Variants in KCNIP4 observed in about 807,000 individuals in gnomAD.
KCNIP4 encodes Kv channel-interacting protein 4.
A neutral mutation model predicts 34.0 loss-of-function variants in KCNIP4; 12 were observed. That is an observed-to-expected ratio of 0.35 (90% CI 0.23 to 0.57). The LOEUF (loss-of-function observed/expected upper bound fraction) is 0.57. Among genes scored for constraint, KCNIP4 ranks in the 20% least tolerant of loss-of-function variants. KCNIP4 has a pLI of 0.83. For missense variants in KCNIP4, 238 were observed against 311.7 expected (o/e 0.76, Z 1.78); for synonymous variants, 124 against 102.2 (o/e 1.21, Z -1.29).
chr4:21,850,110 C>T (rs975036412), intron 1 of KCNIP4: 2 of 150,520 alleles, frequency 1.3e-5, no homozygotes, highest in Non-Finnish European at 3.0e-5. Context: ...CCTCAAATAA[C>T]TTTAAAAGCT....
At chr4:21,767,944 CT>C (rs970590583) in intron 1 of KCNIP4, among the ~76,000 whole-genome samples, 6 of 152,002 alleles carry the variant, frequency 3.9e-5, no homozygotes, top group Admixed American at 2.0e-4. Flanking sequence ...ACAAAATCCC[CT>C]AAAGGAAGAA....
At chr4:20,936,486 T>C (rs1346203751) in intron 1 of KCNIP4, among the ~76,000 whole-genome samples, 1 of 152,108 alleles carries the variant, frequency 6.6e-6, no homozygotes, top group Non-Finnish European at 1.5e-5. Flanking sequence ...TATATTACTC[T>C]ATTTATAAAG....
chr4:20,816,835 A>G (rs1042267921), intron 3 of KCNIP4, among the ~76,000 whole-genome samples: 2 of 152,232 alleles, frequency 1.3e-5, no homozygotes, highest in Non-Finnish European at 2.9e-5. Context: ...TCTTATCAAA[A>G]GGGCTGCTCT....
At chr4:20,975,142 G>A (rs1335306181) in intron 1 of KCNIP4, among the ~76,000 whole-genome samples, 1 of 152,126 alleles carries the variant, frequency 6.6e-6, no homozygotes, top group African/African-American at 2.4e-5. Context: ...TGAACTCTAG[G>A]TCTGTCTCAC....
chr4:21,876,782 A>G (rs563708790), intron 1 of KCNIP4, among the ~76,000 whole-genome samples: 38 of 152,210 alleles, frequency 2.5e-4, no homozygotes, highest in Non-Finnish European at 5.1e-4. Flanking sequence ...AGTTCAAAAA[A>G]AGAAAATGGT....
intron 5 of KCNIP4, among the ~76,000 whole-genome samples, chr4:20,737,538 G>A (rs973884400): frequency 1.3e-5 from 2 of 152,060 alleles, no homozygotes; most frequent in African/African-American, 2.4e-5. Context: ...TGAGACAGAA[G>A]AACATGGTGT....
intron 1 of KCNIP4, among the ~76,000 whole-genome samples, chr4:21,087,150 G>GTGTT (rs1746531147): frequency 7.9e-6 from 1 of 126,426 alleles, no homozygotes; most frequent in Non-Finnish European, 1.7e-5. Flanking sequence ...TGGGTAATGT[G>GTGTT]TGTGTGTGTG....
intron 3 of KCNIP4, among the ~76,000 whole-genome samples, chr4:20,772,512 G>A (rs1755988437): frequency 6.6e-6 from 1 of 152,178 alleles, no homozygotes; most frequent in African/African-American, 2.4e-5. Context: ...CCAGGTGAGG[G>A]GTTGGAGGAT....
Position 21,035,299 on chromosome 4 carries a change from A to G in KCNIP4, c.62-152590T>C, listed in dbSNP as rs568664536. On this transcript the variant is annotated intron_variant, in intron 1 of 8. Transcript: ENST00000382152. The stretch of plus-strand genomic sequence containing the variant: ...ATTTCCAAGGCTAATTTTAATATAT[A>G]TGAAAAATATTTTAGGATTAGAATG... Among the ~76,000 whole-genome samples, 12 of 152,306 alleles carry G rather than the reference A, an allele frequency of 7.9e-5. No homozygotes were observed. The South Asian group carries it at 2.3e-3, about 29-fold the overall frequency.
intron 1 of KCNIP4, among the ~76,000 whole-genome samples, chr4:21,896,031 C>T (rs1727364905): frequency 6.6e-6 from 1 of 152,184 alleles, no homozygotes; most frequent in Non-Finnish European, 1.5e-5. Flanking sequence ...AACTCCATCA[C>T]TAACCCAGGG....
At chr4:20,931,186 C>CACACACACACACAG (rs1730431179) in intron 1 of KCNIP4, among the ~76,000 whole-genome samples, 2 of 151,722 alleles carry the variant, frequency 1.3e-5, no homozygotes, top group Admixed American at 6.6e-5. Flanking sequence ...TACACACACA[C>CACACACACACACAG]ACACACACAC....
chr4:20,847,566 G>C (rs1039292807), intron 3 of KCNIP4, among the ~76,000 whole-genome samples: 2 of 152,096 alleles, frequency 1.3e-5, no homozygotes, highest in Non-Finnish European at 2.9e-5. Flanking sequence ...TCAGAATCTG[G>C]CAAGAGACCT....
chr4:20,810,609 GTGAA>G (rs1162972067), intron 3 of KCNIP4, among the ~76,000 whole-genome samples: 3 of 152,230 alleles, frequency 2.0e-5, no homozygotes, highest in Middle Eastern at 3.4e-3. Context: ...AGTCTTCCAT[GTGAA>G]TGTAGATATT....
At chr4:21,444,141 C>T (rs1246917360) in intron 1 of KCNIP4, among the ~76,000 whole-genome samples, 1 of 152,020 alleles carries the variant, frequency 6.6e-6, no homozygotes, top group Non-Finnish European at 1.5e-5. Context: ...TAATAGCTTA[C>T]CAACCAAAAA....
At position 20,915,012 on chromosome 4, in the gene KCNIP4, G is replaced by A. The variant is rs577079016; in HGVS notation, c.62-32303C>T. 2.9e-3 allele frequency among the ~76,000 whole-genome samples: 441 copies of A among 152,312 alleles called. 3 individuals are homozygous for A. Among genetic ancestry groups the A allele is most frequent in the Non-Finnish European group, 3.8e-3 (257 of 68,032 alleles). On this transcript the variant is annotated intron_variant, in intron 1 of 8. Coordinates refer to ENST00000382152, the MANE Select transcript of KCNIP4 (RefSeq NM_025221.6). ...GAAAGAATGCTTACACAACCTTGCAGTAAGAGAGTCTAAGAAGAAAAACAA... is the reference window on the plus strand; with the variant it reads ...GAAAGAATGCTTACACAACCTTGCAATAAGAGAGTCTAAGAAGAAAAACAA...
At chr4:21,930,440 G>C (rs1469107798) in intron 1 of KCNIP4, among the ~76,000 whole-genome samples, 3 of 151,982 alleles carry the variant, frequency 2.0e-5, no homozygotes, top group Admixed American at 6.6e-5. Flanking sequence ...ACTTTACCTT[G>C]CTTAACACCA....
intron 1 of KCNIP4, among the ~76,000 whole-genome samples, chr4:21,185,014 A>G (rs938339414): frequency 5.3e-5 from 8 of 152,198 alleles, no homozygotes; most frequent in African/African-American, 1.9e-4. Flanking sequence ...CGAACAGGAC[A>G]ATGTAGTTTT....
At chr4:21,367,774 T>C (rs1001058946) in intron 1 of KCNIP4, among the ~76,000 whole-genome samples, 1 of 147,264 alleles carries the variant, frequency 6.8e-6, no homozygotes, top group South Asian at 2.1e-4. Flanking sequence ...CTGTCAGGGA[T>C]TTTTTTTAAG....
At chr4:20,889,779 A>G (rs1725721642) in intron 1 of KCNIP4, among the ~76,000 whole-genome samples, 1 of 151,660 alleles carries the variant, frequency 6.6e-6, no homozygotes, top group Admixed American at 6.6e-5. Context: ...AAAAAAAAAA[A>G]AAACAAAATT....
Sources: allele counts gnomAD v4.1 joint callset (sites outside exome capture counted in the v4.1 genomes callset), GRCh38; gene constraint gnomAD v4.1.1; transcripts MANE v1.5; gene names NCBI Gene and HGNC (gene_info 2026-07-23, HGNC 2026-07-21).